The following FAM184A variants were observed in gnomAD, a reference collection of about 807,000 sequenced individuals.
FAM184A encodes protein FAM184A.
FAM184A carries 99 observed loss-of-function variants against 143.8 expected under a neutral mutation model. The observed-to-expected ratio is 0.69, with a 90% confidence interval of 0.58 to 0.81. The LOEUF is 0.81. FAM184A is among the 40% of genes least tolerant of loss of function. The pLI, the probability that FAM184A is intolerant of heterozygous loss-of-function variation, is 0.00. For synonymous variants in FAM184A, 427 were observed against 446.4 expected (o/e 0.96, Z 0.55); for missense variants, 1,217 against 1,310.5 (o/e 0.93, Z 1.10).
chr6:119,039,092 T>C (rs992558168), intron 1 of FAM184A, among the ~76,000 whole-genome samples: 1 of 152,174 alleles, frequency 6.6e-6, no homozygotes, highest in South Asian at 2.1e-4. Flanking sequence ...CATATTAAAA[T>C]AGTAAGATGT....
intron 1 of FAM184A, among the ~76,000 whole-genome samples, chr6:119,130,835 C>A (rs1184894487): frequency 6.6e-6 from 1 of 150,944 alleles, no homozygotes; most frequent in Non-Finnish European, 1.5e-5. Context: ...TAGTGTCCTG[C>A]TCAGAATTGT....
chr6:119,075,375 C>G (rs190383160), intron 1 of FAM184A, among the ~76,000 whole-genome samples: 34 of 152,252 alleles, frequency 2.2e-4, no homozygotes, highest in African/African-American at 7.9e-4. Context: ...CAGTGAGTGA[C>G]AGCCTGAATG....
At chr6:119,065,351 ACTATCGCCCTGGC>A (rs1216112058) in intron 1 of FAM184A, among the ~76,000 whole-genome samples, 1 of 152,174 alleles carries the variant, frequency 6.6e-6, no homozygotes, top group African/African-American at 2.4e-5. Flanking sequence ...CTTTACAGAG[ACTATCGCCCTGGC>A]CAGCAGCTTG....
Position 119,017,189 on chromosome 6 carries a change from C to T in FAM184A, c.1333-245G>A, listed in dbSNP as rs185108770. Reference sequence around the variant, plus strand: ...ATATTAGACCAAATGTGAGTTAATACATCTGCAAGCTTAAGAGTAAAGGGC... The same window carrying T: ...ATATTAGACCAAATGTGAGTTAATATATCTGCAAGCTTAAGAGTAAAGGGC... On this transcript the variant is annotated intron_variant, in intron 4 of 17. Coordinates refer to ENST00000338891, the MANE Select transcript of FAM184A (RefSeq NM_024581.6). 3.0e-3 allele frequency among the ~76,000 whole-genome samples: 454 copies of T among 152,264 alleles called. 3 individuals carry two copies. The highest frequency in any genetic ancestry group is 5.5e-3 in the Non-Finnish European group (371 of 68,022).
chr6:119,045,322 C>G (rs1041449386), intron 1 of FAM184A, among the ~76,000 whole-genome samples: 1 of 140,584 alleles, frequency 7.1e-6, no homozygotes, highest in African/African-American at 2.7e-5. Context: ...TTCTATTCAT[C>G]TACGTATATC....
At chr6:119,080,937 C>T (rs551684130), upstream of FAM184A, among the ~76,000 whole-genome samples, 17 of 152,212 alleles carry the variant, frequency 1.1e-4, no homozygotes, top group East Asian at 1.9e-4. Flanking sequence ...GGAGAGGCCT[C>T]GGGAAACTTA....
intron 1 of FAM184A, among the ~76,000 whole-genome samples, chr6:119,039,307 A>C (rs1786230729): frequency 1.3e-5 from 2 of 152,208 alleles, no homozygotes; most frequent in Admixed American, 1.3e-4. Flanking sequence ...ATGAGTTAAA[A>C]ATATATGTCC....
chr6:119,136,210 G>A (rs1227500015), intron 1 of FAM184A, among the ~76,000 whole-genome samples: 103 of 148,176 alleles, frequency 7.0e-4, no homozygotes, highest in South Asian at 4.2e-4. Flanking sequence ...CCCGGGAAGC[G>A]GAGCTTGCAG....
intron 1 of FAM184A, among the ~76,000 whole-genome samples, chr6:119,033,693 A>G (rs1785980022): frequency 6.7e-6 from 1 of 149,112 alleles, no homozygotes; most frequent in Admixed American, 6.7e-5. Flanking sequence ...GAAAGAAACT[A>G]AAGAAGTTAC....
intron 1 of FAM184A, among the ~76,000 whole-genome samples, chr6:119,074,841 A>C (rs1362870395): frequency 6.6e-6 from 1 of 152,200 alleles, no homozygotes; most frequent in African/African-American, 2.4e-5. Flanking sequence ...GAGTGACCCA[A>C]ATATGCTAGA....
chr6:119,049,876 C>T (rs1467380644), intron 1 of FAM184A, among the ~76,000 whole-genome samples: 2 of 152,140 alleles, frequency 1.3e-5, no homozygotes, highest in African/African-American at 4.8e-5. Flanking sequence ...GCAAAAGAAA[C>T]TATCATTAGA....
rs577689543 is a variant in FAM184A at position 119,001,487 on chromosome 6, T to A, written c.2088+1412A>T. On this transcript the variant is annotated intron_variant, in intron 9 of 17. Coordinates refer to ENST00000338891, the MANE Select transcript of FAM184A (RefSeq NM_024581.6). ...TGGAGCTAATATGTAATACATTATT[T>A]TATGATATACAGAACCACAAGATGC... 3.3e-5 allele frequency among the ~76,000 whole-genome samples: 5 copies of A among 152,254 alleles called. No individual in the cohort carries two copies. In the South Asian group the frequency reaches 8.3e-4, roughly 25 times the overall value.
chr6:119,061,822 A>G (rs2114769423), intron 1 of FAM184A, among the ~76,000 whole-genome samples: 1 of 152,198 alleles, frequency 6.6e-6, no homozygotes, highest in South Asian at 2.1e-4. Flanking sequence ...TAAAGGATAC[A>G]AAAGTACCCT....
intron 9 of FAM184A, among the ~76,000 whole-genome samples, chr6:118,987,554 T>C (rs1178878149): frequency 1.3e-5 from 2 of 152,200 alleles, no homozygotes; most frequent in Non-Finnish European, 2.9e-5. Context: ...GATCACTTTG[T>C]CAATGCTTAG....
chr6:119,001,304 G>A (rs1057472158), intron 9 of FAM184A, among the ~76,000 whole-genome samples: 1 of 151,020 alleles, frequency 6.6e-6, no homozygotes, highest in Non-Finnish European at 1.5e-5. Flanking sequence ...TCAGAAGTGT[G>A]GAAAAAGGAA....
intron 1 of FAM184A, among the ~76,000 whole-genome samples, chr6:119,144,529 C>T (rs149035804): frequency 1.3e-3 from 198 of 152,286 alleles, no homozygotes; most frequent in African/African-American, 4.6e-3. Context: ...TTAGAGTCAG[C>T]GTGGCTCAGG....
chr6:119,080,009 A>G (rs1010715320), upstream of FAM184A, among the ~76,000 whole-genome samples: 12 of 152,328 alleles, frequency 7.9e-5, no homozygotes, highest in African/African-American at 2.9e-4. Context: ...CTAATGATCA[A>G]ATAAAATTAA....
At chr6:118,965,304 T>TC (rs1186685115) in intron 15 of FAM184A, among the ~76,000 whole-genome samples, 1 of 149,462 alleles carries the variant, frequency 6.7e-6, no homozygotes, top group Non-Finnish European at 1.5e-5. Context: ...GGCTTCGGCC[T>TC]CCCAAAGTGC....
chr6:119,000,341 G>T (rs1784711055), intron 9 of FAM184A, among the ~76,000 whole-genome samples: 1 of 152,190 alleles, frequency 6.6e-6, no homozygotes, highest in South Asian at 2.1e-4. Context: ...TGTATACACT[G>T]ATCAACCCAA....
Sources: gnomAD v4.1 joint callset for allele counts (sites outside exome capture counted in the v4.1 genomes callset) on GRCh38, gnomAD v4.1.1 for gene constraint, MANE v1.5 for transcripts, NCBI Gene and HGNC (gene_info 2026-07-23, HGNC 2026-07-21) for gene names.